TEX11: variants seen among roughly 807,000 people sequenced by gnomAD.
The protein encoded by TEX11 is testis expressed 11, also known as testis-expressed protein 11.
TEX11 carries 7 observed loss-of-function variants against 84.4 expected under a neutral mutation model. The observed-to-expected ratio is 0.08, with a 90% CI of 0.05 to 0.16. The LOEUF is 0.16. Among genes scored for constraint, TEX11 ranks in the 10% least tolerant of loss-of-function variants. TEX11 has a pLI of 1.00. For missense variants in TEX11, 551 were observed against 660.5 expected (o/e 0.83, Z 1.82); for synonymous variants, 264 against 222.8 (o/e 1.18, Z -1.64).
intron 9 of TEX11, among the ~76,000 whole-genome samples, chrX:70,770,063 G>GT (rs1375856340): frequency 1.8e-5 from 2 of 111,407 alleles, no homozygotes; most frequent in African/African-American, 6.5e-5. Flanking sequence ...CAAGGTCACA[G>GT]TTTATCATTA....
chrX:70,607,735 A>C (rs922721879), intron 22 of TEX11, among the ~76,000 whole-genome samples: 3 of 112,366 alleles, frequency 2.7e-5, no homozygotes, highest in Non-Finnish European at 5.6e-5. Context: ...GGAGAGATTC[A>C]TATCTTCCAA....
chrX:70,644,008 T>G (rs1233804612), intron 17 of TEX11, among the ~76,000 whole-genome samples: 1 of 103,295 alleles, frequency 9.7e-6, no homozygotes, highest in African/African-American at 3.5e-5. Flanking sequence ...GAGAAAATTT[T>G]CGCAACCTAC....
At chrX:70,815,613 A>C (rs1221606494) in intron 8 of TEX11, among the ~76,000 whole-genome samples, 1 of 111,697 alleles carries the variant, frequency 9.0e-6, no homozygotes, top group Non-Finnish European at 1.9e-5. Flanking sequence ...AATTTATCAG[A>C]GGTATGTATA....
In TEX11 at chrX:70,785,941, G is replaced by C. The variant is rs1431258950; in HGVS notation, c.692+20764C>G. Among the ~76,000 whole-genome samples the C allele has an allele frequency of 9.8e-5, 11 of 111,803 alleles. No individual in the cohort carries two copies. The South Asian group carries it at 1.9e-3, about 19-fold the overall frequency. On this transcript the variant is annotated intron_variant, in intron 9 of 29. Coordinates refer to ENST00000374333, the MANE Select transcript of TEX11 (RefSeq NM_031276.3). ...CCTCAAGGATCTAGAACTAGAAATA[G>C]CATTTGACCCAGCGATCCCATTACT... is the stretch of plus-strand genomic sequence containing the variant.
chrX:70,801,670 TTTCTTTCTTTC>T (rs1423631013), intron 9 of TEX11, among the ~76,000 whole-genome samples: 1 of 92,605 alleles, frequency 1.1e-5, no homozygotes, highest in Non-Finnish European at 2.2e-5. Flanking sequence ...TCTTTCTTTC[TTTCTTTCTTTC>T]TTTCTTCTCT....
At chrX:70,742,794 A>T (rs750049219) in intron 10 of TEX11, among the ~76,000 whole-genome samples, 2 of 110,371 alleles carry the variant, frequency 1.8e-5, no homozygotes, top group African/African-American at 6.6e-5. Flanking sequence ...ATTCACAGGC[A>T]TGATCACAGC....
intron 11 of TEX11, among the ~76,000 whole-genome samples, chrX:70,732,172 C>G (rs904903404): frequency 1.8e-5 from 2 of 111,571 alleles, no homozygotes; most frequent in African/African-American, 6.5e-5. Context: ...TAAGAGCTAT[C>G]TATGACAAAC....
intron 17 of TEX11, among the ~76,000 whole-genome samples, chrX:70,644,462 C>T (rs2147596078): frequency 9.3e-6 from 1 of 106,991 alleles, no homozygotes; most frequent in East Asian, 3.0e-4. Flanking sequence ...GCTATAAAGA[C>T]ACATGCACAC....
intron 13 of TEX11, among the ~76,000 whole-genome samples, chrX:70,714,472 G>T (rs984504614): frequency 2.7e-5 from 3 of 111,494 alleles, no homozygotes; most frequent in African/African-American, 9.8e-5. Flanking sequence ...GAATCTGGGT[G>T]CTCCTGTATT....
intron 22 of TEX11, 143 bp from the exon 23 acceptor site, chrX:70,607,172 A>C: frequency 2.3e-6 from 1 of 426,016 alleles, no homozygotes; most frequent in Non-Finnish European, 3.8e-6. Flanking sequence ...AATTAACTTT[A>C]GGTTTTAAAG....
chrX:70,719,511 T>G (rs1034332859), intron 13 of TEX11, among the ~76,000 whole-genome samples: 4 of 111,581 alleles, frequency 3.6e-5, no homozygotes, highest in African/African-American at 9.8e-5. Context: ...AAAGCCAAAA[T>G]TGACAAATGG....
intron 17 of TEX11, among the ~76,000 whole-genome samples, chrX:70,648,074 T>C (rs757228385): frequency 2.7e-4 from 30 of 112,065 alleles, no homozygotes; most frequent in Admixed American, 1.2e-3. Context: ...CATGGAATAT[T>C]ATGCAGCCAT....
chrX:70,888,279 A>T (rs1221038965), intron 2 of TEX11, among the ~76,000 whole-genome samples: 13 of 112,861 alleles, frequency 1.2e-4, no homozygotes, highest in African/African-American at 3.9e-4. Flanking sequence ...CCTTTCAGAG[A>T]GATAATTCAA....
intron 8 of TEX11, among the ~76,000 whole-genome samples, chrX:70,819,206 T>G (rs2091305683): frequency 9.0e-6 from 1 of 111,490 alleles, no homozygotes; most frequent in Non-Finnish European, 1.9e-5. Flanking sequence ...ACTAAGAAAC[T>G]GAATCCAACA....
intron 16 of TEX11, among the ~76,000 whole-genome samples, chrX:70,661,310 C>T (rs768660526): frequency 8.0e-5 from 9 of 112,323 alleles, no homozygotes; most frequent in African/African-American, 2.9e-4. Flanking sequence ...AACTGCAAGG[C>T]GGCAGCAAAG....
intron 9 of TEX11, among the ~76,000 whole-genome samples, chrX:70,744,921 A>G (rs2090759222): frequency 9.4e-6 from 1 of 106,330 alleles, no homozygotes; most frequent in Non-Finnish European, 1.9e-5. Flanking sequence ...GGGTTTCACC[A>G]TGTTGGCCAG....
At chrX:70,805,761 C>A (rs745582965) in intron 9 of TEX11, among the ~76,000 whole-genome samples, 1 of 111,721 alleles carries the variant, frequency 9.0e-6, no homozygotes, top group Non-Finnish European at 1.9e-5. Flanking sequence ...CACAAAAATA[C>A]ATTTTTCACA....
chrX:70,725,986 G>A (rs1326258042), intron 11 of TEX11, among the ~76,000 whole-genome samples: 1 of 112,038 alleles, frequency 8.9e-6, no homozygotes, highest in African/African-American at 3.2e-5. Context: ...CATAATTACA[G>A]GTATTCATAT....
intron 13 of TEX11, among the ~76,000 whole-genome samples, chrX:70,688,689 T>C (rs2090209653): frequency 9.2e-6 from 1 of 109,024 alleles, no homozygotes; most frequent in African/African-American, 3.3e-5. Context: ...ATACGTGTCA[T>C]TATGCATGTC....
Sources: gnomAD v4.1 joint callset for allele counts (sites outside exome capture counted in the v4.1 genomes callset) on GRCh38, gnomAD v4.1.1 for gene constraint, MANE v1.5 for transcripts, NCBI Gene and HGNC (gene_info 2026-07-23, HGNC 2026-07-21) for gene names.